The following CNTLN variants were observed in gnomAD, a reference collection of about 807,000 sequenced individuals.
The protein encoded by CNTLN is centlein.
In CNTLN, 212 loss-of-function variants were observed where a neutral mutation model predicts 180.0. That is an observed-to-expected ratio of 1.18 (90% CI 1.05 to 1.32). The LOEUF (loss-of-function observed/expected upper bound fraction) is 1.32. Ranked by LOEUF, CNTLN falls within the 40% of genes most tolerant of loss-of-function variation. CNTLN has a pLI of 0.00. For missense variants in CNTLN, 2,095 were observed against 1,610.9 expected, an observed-to-expected ratio of 1.30 and a Z score of -5.14; for synonymous variants, 722 against 563.1, an observed-to-expected ratio of 1.28 and a Z score of -3.99.
chr9:17,410,624 A>T (rs1246086395), intron 16 of CNTLN, among the ~76,000 whole-genome samples: 1 of 152,134 alleles, frequency 6.6e-6, no homozygotes, highest in Non-Finnish European at 1.5e-5. Context: ...CAATGTAGAT[A>T]TATCCTATGC....
chr9:17,264,601 G>T (rs1827265124), intron 5 of CNTLN, among the ~76,000 whole-genome samples: 2 of 152,268 alleles, frequency 1.3e-5, no homozygotes, highest in East Asian at 3.9e-4. Flanking sequence ...GTAGCTTGAT[G>T]GGGATGACAT....
At chr9:17,192,595 A>G (rs1475093994) in intron 2 of CNTLN, among the ~76,000 whole-genome samples, 1 of 152,190 alleles carries the variant, frequency 6.6e-6, no homozygotes, top group African/African-American at 2.4e-5. Context: ...TACAGAGAAC[A>G]TGAGTAACTT....
chr9:17,224,306 T>C (rs1014419501), intron 2 of CNTLN, among the ~76,000 whole-genome samples: 18 of 152,068 alleles, frequency 1.2e-4, no homozygotes, highest in Non-Finnish European at 1.9e-4. Flanking sequence ...GACTGTTATA[T>C]AATAAATGTG....
intron 6 of CNTLN, among the ~76,000 whole-genome samples, chr9:17,291,764 G>T (rs1460943984): frequency 6.6e-6 from 1 of 152,130 alleles, no homozygotes; most frequent in Non-Finnish European, 1.5e-5. Flanking sequence ...TATCCAGCTT[G>T]CCATTCTGTG....
At chr9:17,297,607 A>T (rs1222335404) in intron 6 of CNTLN, among the ~76,000 whole-genome samples, 1 of 152,118 alleles carries the variant, frequency 6.6e-6, no homozygotes, top group African/African-American at 2.4e-5. Flanking sequence ...GGTTCGAAGG[A>T]CTGGATTTTT....
chr9:17,407,173 G>A (rs1827459151), intron 15 of CNTLN, among the ~76,000 whole-genome samples: 2 of 152,124 alleles, frequency 1.3e-5, no homozygotes, highest in Non-Finnish European at 2.9e-5. Flanking sequence ...AATGATATGA[G>A]AATATGGGAA....
chr9:17,361,066 A>G (rs920542461), intron 12 of CNTLN, among the ~76,000 whole-genome samples: 1 of 151,954 alleles, frequency 6.6e-6, no homozygotes, highest in Non-Finnish European at 1.5e-5. Context: ...CCATTTTTTT[A>G]AATTATTATT....
At chr9:17,484,179 C>G in intron 23 of CNTLN, 116 bp from the exon 24 acceptor site, 1 of 813,468 alleles carries the variant, frequency 1.2e-6, no homozygotes, top group Non-Finnish European at 1.9e-6. Flanking sequence ...GTAATTAAAA[C>G]CAGAGTAATC....
At chr9:17,472,058 T>G (rs1342966080) in intron 23 of CNTLN, among the ~76,000 whole-genome samples, 8 of 152,120 alleles carry the variant, frequency 5.3e-5, no homozygotes, top group Admixed American at 5.2e-4. Context: ...TCATGCATTA[T>G]GAAGTATATT....
intron 11 of CNTLN, among the ~76,000 whole-genome samples, chr9:17,341,565 G>A (rs1261922282): frequency 6.6e-6 from 1 of 152,132 alleles, no homozygotes; most frequent in Non-Finnish European, 1.5e-5. Flanking sequence ...GACTGAATGA[G>A]TACAGAAAAT....
chr9:17,453,963 G>A (rs564387412), intron 18 of CNTLN, among the ~76,000 whole-genome samples: 1 of 152,156 alleles, frequency 6.6e-6, no homozygotes, highest in Non-Finnish European at 1.5e-5. Flanking sequence ...AACTTGATTA[G>A]GGACGCTGAC....
intron 25 of CNTLN, among the ~76,000 whole-genome samples, chr9:17,494,372 A>G (rs1833332760): frequency 6.6e-6 from 1 of 152,068 alleles, no homozygotes; most frequent in South Asian, 2.1e-4. Context: ...TTTTTTTTTA[A>G]TTAACTTTTA....
chr9:17,326,583 A>G (rs1820306811), intron 8 of CNTLN, among the ~76,000 whole-genome samples: 1 of 152,162 alleles, frequency 6.6e-6, no homozygotes, highest in Admixed American at 6.5e-5. Context: ...AAAGCAAGTA[A>G]AAAAGTACAG....
intron 16 of CNTLN, among the ~76,000 whole-genome samples, chr9:17,410,110 G>T (rs1459512466): frequency 6.6e-6 from 1 of 152,070 alleles, no homozygotes; most frequent in Non-Finnish European, 1.5e-5. Context: ...GTCTTCTTTA[G>T]TTACTACCAG....
At chr9:17,387,236 C>G (rs1390260881) in intron 13 of CNTLN, among the ~76,000 whole-genome samples, 1 of 152,132 alleles carries the variant, frequency 6.6e-6, no homozygotes, top group African/African-American at 2.4e-5. Context: ...AAGTTTTACA[C>G]TGACCTACAG....
chr9:17,166,983 C>G (rs1388223721), intron 2 of CNTLN: 1 of 400,788 alleles, frequency 2.5e-6, no homozygotes, highest in Non-Finnish European at 5.0e-6. Flanking sequence ...CTCAATGAAG[C>G]AGGACTACAG....
At chr9:17,439,462 A>G (rs79093455) in intron 18 of CNTLN, among the ~76,000 whole-genome samples, 2,801 of 152,302 alleles carry the variant, frequency 0.018, 84 homozygotes, top group African/African-American at 0.064. Context: ...TAATGGGTCA[A>G]AGAAGAAAAC....
At chr9:17,221,332 G>A (rs143983904) in intron 2 of CNTLN, among the ~76,000 whole-genome samples, 1,595 of 151,788 alleles carry the variant, frequency 0.011, 31 homozygotes, top group African/African-American at 0.037. Context: ...GATAGGCAAC[G>A]CCAAAACATA....
chr9:17,468,802 A>C (rs1564132611), intron 23 of CNTLN, among the ~76,000 whole-genome samples: 1 of 151,710 alleles, frequency 6.6e-6, no homozygotes, highest in Non-Finnish European at 1.5e-5. Context: ...CAATGATATA[A>C]ATAGTATTTA....
Sources: gnomAD v4.1 joint callset for allele counts (sites outside exome capture counted in the v4.1 genomes callset) on GRCh38, gnomAD v4.1.1 for gene constraint, MANE v1.5 for transcripts, NCBI Gene and HGNC (gene_info 2026-07-23, HGNC 2026-07-21) for gene names.